The following SPAG9 variants were observed in gnomAD, a reference collection of about 807,000 sequenced individuals.
The protein encoded by SPAG9 is C-Jun-amino-terminal kinase-interacting protein 4.
Under a neutral mutation model 166.5 loss-of-function variants are expected in SPAG9, and 35 were observed. That is an observed-to-expected ratio of 0.21 (90% CI 0.16 to 0.28). SPAG9 has a LOEUF of 0.28. Ranked by LOEUF, SPAG9 falls within the 10% of genes least tolerant of loss-of-function variation. The pLI is 1.00. For synonymous variants in SPAG9, 534 were observed against 565.5 expected, an observed-to-expected ratio of 0.94 and a Z score of 0.79; for missense variants, 1,235 against 1,603.3, an observed-to-expected ratio of 0.77 and a Z score of 3.92.
At chr17:51,012,940 A>G (rs1397412716) in intron 9 of SPAG9, among the ~76,000 whole-genome samples, 2 of 151,922 alleles carry the variant, frequency 1.3e-5, no homozygotes, top group Non-Finnish European at 2.9e-5. Context: ...CATGTTGCCC[A>G]GGCTGGTCTC....
At chr17:51,098,470 G>T (rs1568086158) in intron 1 of SPAG9, among the ~76,000 whole-genome samples, 1 of 152,030 alleles carries the variant, frequency 6.6e-6, no homozygotes, top group Non-Finnish European at 1.5e-5. Context: ...TCACAAGCCT[G>T]TGGGGGTAAA....
chr17:50,965,755 TTAAAG>T lies in SPAG9; in HGVS notation c.*512_*516del, dbSNP rs545041879. ...GATTTGTCAGATTTGAAAGTGAAAG[TTAAAG>T]TAATTTACAGTTAGCTTTTAACCCT... On this transcript the variant is annotated 3_prime_UTR_variant, in exon 30 of 30. Transcript: ENST00000262013. 2.6e-5 allele frequency: 4 copies of T among 152,940 alleles called. No individual in the cohort carries two copies. Among genetic ancestry groups the T allele is most frequent in the Non-Finnish European group, 4.4e-5 (3 of 68,494 alleles). 9.5% of individuals were successfully genotyped at this position (152,940 alleles called of 1,614,324 possible). A position where few individuals can be genotyped will look rare whatever the true frequency, so the allele number is the denominator to read the frequency against.
chr17:51,051,477 C>T (rs544446344), intron 3 of SPAG9, among the ~76,000 whole-genome samples: 6 of 152,162 alleles, frequency 3.9e-5, no homozygotes, highest in African/African-American at 9.6e-5. Context: ...CCCAGCACTT[C>T]GGAAGGCCGG....
chr17:51,021,136 G>C, intron 7 of SPAG9, 22 bp downstream of exon 7: 1 of 1,584,358 alleles, frequency 6.3e-7, no homozygotes, highest in Non-Finnish European at 8.7e-7. Context: ...TTCCTAGTAA[G>C]TAAAGAACTA....
intron 28 of SPAG9, among the ~76,000 whole-genome samples, chr17:50,974,386 C>G (rs1010496920): frequency 5.9e-5 from 9 of 152,330 alleles, no homozygotes; most frequent in African/African-American, 1.9e-4. Context: ...TCCTATTAAG[C>G]TGCTAAAGGT....
At chr17:51,081,484 C>T (rs2048162938) in intron 1 of SPAG9, among the ~76,000 whole-genome samples, 1 of 152,028 alleles carries the variant, frequency 6.6e-6, no homozygotes, top group East Asian at 1.9e-4. Flanking sequence ...TGACTCATGC[C>T]TGTAATCCCA....
At chr17:51,000,894 C>T (rs547713692) in intron 13 of SPAG9, among the ~76,000 whole-genome samples, 37 of 152,108 alleles carry the variant, frequency 2.4e-4, no homozygotes, top group Non-Finnish European at 4.4e-4. Context: ...GTTTCCTTGT[C>T]TAATAAATAT....
At chr17:51,059,533 C>T (rs1396157381) in intron 2 of SPAG9, among the ~76,000 whole-genome samples, 1 of 151,970 alleles carries the variant, frequency 6.6e-6, no homozygotes, top group Non-Finnish European at 1.5e-5. Context: ...GTGGGCGGAT[C>T]ACAAGGTCAG....
chr17:50,978,897 G>A (rs1190856207), intron 26 of SPAG9, among the ~76,000 whole-genome samples: 1 of 152,176 alleles, frequency 6.6e-6, no homozygotes, highest in Non-Finnish European at 1.5e-5. Context: ...ACTAGGCAGA[G>A]AACAGACTGG....
chr17:50,985,156 G>A (rs1974954681), intron 23 of SPAG9, among the ~76,000 whole-genome samples, 166 bp from the exon 24 acceptor site: 1 of 152,170 alleles, frequency 6.6e-6, no homozygotes, highest in African/African-American at 2.4e-5. Context: ...TGGATGTCCT[G>A]CTATGAAAAA....
chr17:51,020,124 G>A (rs772554540), intron 8 of SPAG9, 35 bp downstream of exon 8: 5 of 1,287,290 alleles, frequency 3.9e-6, no homozygotes, highest in Middle Eastern at 1.8e-4. Context: ...GGGGTGGGGG[G>A]CGCAGAATAT....
chr17:51,075,132 G>A (rs2144612274), intron 2 of SPAG9, among the ~76,000 whole-genome samples: 1 of 136,360 alleles, frequency 7.3e-6, no homozygotes, highest in East Asian at 2.2e-4. Flanking sequence ...GGAGGCGGAG[G>A]TTGCAGTGAA....
At chr17:51,085,014 C>A (rs1455893011) in intron 1 of SPAG9, among the ~76,000 whole-genome samples, 1 of 151,856 alleles carries the variant, frequency 6.6e-6, no homozygotes, top group Non-Finnish European at 1.5e-5. Context: ...CCATGCCTGG[C>A]TAATTTTGGT....
intron 9 of SPAG9, among the ~76,000 whole-genome samples, chr17:51,010,088 T>C (rs2045403176): frequency 1.3e-5 from 2 of 152,166 alleles, no homozygotes; most frequent in Non-Finnish European, 2.9e-5. Context: ...TGGCAGTTTT[T>C]AAAATCACAG....
intron 3 of SPAG9, among the ~76,000 whole-genome samples, chr17:51,055,006 T>C (rs2047322678): frequency 6.6e-6 from 1 of 152,266 alleles, no homozygotes; most frequent in Middle Eastern, 3.4e-3. Context: ...GGGTTTTCTG[T>C]TCCTTAAAAG....
intron 6 of SPAG9, 75 bp downstream of exon 6, chr17:51,031,606 A>G (rs1315550103): frequency 2.6e-5 from 26 of 1,001,594 alleles, no homozygotes. Context: ...TCTTGAGAAT[A>G]GCAGTTGAGG....
chr17:51,088,985 C>T (rs913079675), intron 1 of SPAG9, among the ~76,000 whole-genome samples: 2 of 151,424 alleles, frequency 1.3e-5, no homozygotes, highest in Non-Finnish European at 2.9e-5. Context: ...CCCAGCTACT[C>T]GGAAGGCTGA....
rs1210037109 is a variant in SPAG9, at chr17:50,970,576, T to C, written c.3850+131A>G. 32 of 598,740 alleles carry C rather than the reference T, an allele frequency of 5.3e-5. No individual in the cohort carries two copies. In the Admixed American group the frequency reaches 1.2e-3, roughly 22 times the overall value. The allele number at this position is 598,740 out of a possible 1,614,324, so 37.1% of individuals were successfully genotyped here. ...AAACAAAAAACAAAAACCCACAAAATCCTTTCGTGTGTAAAGAGCTCAAAG... is the reference window on the plus strand; with the variant it reads ...AAACAAAAAACAAAAACCCACAAAACCCTTTCGTGTGTAAAGAGCTCAAAG... On this transcript the variant is annotated intron_variant, in intron 29 of 29. Transcript: ENST00000262013.
intron 19 of SPAG9, among the ~76,000 whole-genome samples, chr17:50,991,269 C>G (rs1434430605): frequency 6.6e-6 from 1 of 151,652 alleles, no homozygotes; most frequent in Admixed American, 6.6e-5. Flanking sequence ...CTGACAACAT[C>G]AGCCAAAAAA....
Sources: gnomAD v4.1 joint callset for allele counts (sites outside exome capture counted in the v4.1 genomes callset) on GRCh38, gnomAD v4.1.1 for gene constraint, MANE v1.5 for transcripts, NCBI Gene and HGNC (gene_info 2026-07-23, HGNC 2026-07-21) for gene names.